DSCAM: variants seen among roughly 807,000 people sequenced by gnomAD.
DSCAM encodes cell adhesion molecule DSCAM.
Under a neutral mutation model 217.7 loss-of-function variants are expected in DSCAM, and 47 were observed. The observed-to-expected ratio is 0.22, with a 90% CI of 0.17 to 0.28. DSCAM has a LOEUF of 0.28. DSCAM is among the 10% of genes least tolerant of loss of function. DSCAM has a pLI of 1.00. For missense variants in DSCAM, 2,080 were observed against 2,618.3 expected (o/e 0.79, Z 4.49); for synonymous variants, 1,056 against 1,015.3 (o/e 1.04, Z -0.76).
At chr21:40,409,345 T>G (rs1256201420) in intron 3 of DSCAM, among the ~76,000 whole-genome samples, 2 of 152,242 alleles carry the variant, frequency 1.3e-5, no homozygotes, top group Admixed American at 1.3e-4. Flanking sequence ...TAGTGATTTA[T>G]AAATTTGGAA....
chr21:40,809,362 C>T (rs2091816925), intron 1 of DSCAM, among the ~76,000 whole-genome samples: 1 of 152,088 alleles, frequency 6.6e-6, no homozygotes, highest in African/African-American at 2.4e-5. Flanking sequence ...GGGGGTGGGA[C>T]TTCAAAGCAG....
chr21:40,449,473 A>T (rs529566840), intron 3 of DSCAM, among the ~76,000 whole-genome samples: 29 of 152,326 alleles, frequency 1.9e-4, no homozygotes, highest in African/African-American at 7.0e-4. Context: ...ATGAAAAGAA[A>T]ACATCCAGTT....
chr21:40,483,019 A>G (rs1279473692), intron 3 of DSCAM, among the ~76,000 whole-genome samples: 1 of 152,230 alleles, frequency 6.6e-6, no homozygotes, highest in Non-Finnish European at 1.5e-5. Context: ...CTTGCTTTTT[A>G]TATACTGATC....
chr21:40,508,758 TATATATATATATA>T (rs2076232029), intron 3 of DSCAM, among the ~76,000 whole-genome samples: 3 of 14,768 alleles, frequency 2.0e-4, no homozygotes, highest in Non-Finnish European at 3.8e-4. Context: ...TATATATATA[TATATATATATATA>T]TATATATATA....
intron 3 of DSCAM, among the ~76,000 whole-genome samples, chr21:40,444,151 G>A (rs868008109): frequency 4.6e-5 from 7 of 152,038 alleles, no homozygotes; most frequent in African/African-American, 1.2e-4. Context: ...TTCAAGAGAG[G>A]ATTCATAACT....
chr21:40,402,918 T>C (rs1188848050), intron 3 of DSCAM, among the ~76,000 whole-genome samples: 5 of 152,106 alleles, frequency 3.3e-5, no homozygotes, highest in Admixed American at 1.3e-4. Context: ...GAGAGACAAG[T>C]ACAGGAAAAA....
At chr21:40,660,527 A>G (rs756974323) in intron 3 of DSCAM, among the ~76,000 whole-genome samples, 3 of 152,222 alleles carry the variant, frequency 2.0e-5, no homozygotes, top group Non-Finnish European at 2.9e-5. Context: ...CATGGCCCAA[A>G]TGGACGTGAG....
intron 11 of DSCAM, 69 bp downstream of exon 11, chr21:40,276,028 T>A (rs879129002): frequency 6.9e-7 from 1 of 1,441,584 alleles, no homozygotes; most frequent in African/African-American, 1.4e-5. Context: ...ATGGAGACAA[T>A]TGAAAAAGGA....
chr21:40,267,619 G>A (rs113406545), intron 11 of DSCAM, among the ~76,000 whole-genome samples: 66 of 152,270 alleles, frequency 4.3e-4, no homozygotes, highest in African/African-American at 1.4e-3. Flanking sequence ...ATTATGGGCC[G>A]GGTGTGGTGG....
intron 1 of DSCAM, among the ~76,000 whole-genome samples, chr21:40,831,879 G>C (rs188076282): frequency 1.3e-5 from 2 of 152,114 alleles, no homozygotes; most frequent in Admixed American, 6.5e-5. Flanking sequence ...TTTAAAAACC[G>C]ATCTTTCACT....
intron 3 of DSCAM, among the ~76,000 whole-genome samples, chr21:40,406,323 T>A (rs977526204): frequency 1.3e-5 from 2 of 152,150 alleles, no homozygotes; most frequent in African/African-American, 4.8e-5. Flanking sequence ...GGAAATGATA[T>A]CAATATTTGA....
intron 1 of DSCAM, among the ~76,000 whole-genome samples, chr21:40,813,661 T>C (rs1262335357): frequency 6.6e-6 from 1 of 150,590 alleles, no homozygotes; most frequent in Non-Finnish European, 1.5e-5. Context: ...TTTTTTTTTT[T>C]GGTTGAGATG....
At chr21:40,251,917 A>T (rs189318623) in intron 11 of DSCAM, among the ~76,000 whole-genome samples, 1 of 152,184 alleles carries the variant, frequency 6.6e-6, no homozygotes, top group African/African-American at 2.4e-5. Context: ...TGTTGCAGAC[A>T]TCCTCATGGC....
Position 40,543,871 on chromosome 21 carries a change from A to C in DSCAM, c.508+148939T>G, listed in dbSNP as rs142863753. Among the ~76,000 whole-genome samples, 1,311 of 152,320 alleles carry C rather than the reference A, an allele frequency of 8.6e-3. 22 individuals are homozygous for C. The highest frequency in any genetic ancestry group is 0.029 in the African/African-American group (1,214 of 41,554). ...TTCATATAAATTTACATAATTAAAAATATTTGTAAATAAAATATTGCTGCT... is the reference window on the plus strand; with the variant it reads ...TTCATATAAATTTACATAATTAAAACTATTTGTAAATAAAATATTGCTGCT... On this transcript the variant is annotated intron_variant, in intron 3 of 32. Coordinates refer to ENST00000400454, the MANE Select transcript of DSCAM (RefSeq NM_001389.5).
intron 1 of DSCAM, among the ~76,000 whole-genome samples, chr21:40,738,509 G>A (rs756295595): frequency 3.9e-5 from 6 of 152,076 alleles, no homozygotes; most frequent in Non-Finnish European, 8.8e-5. Flanking sequence ...CCCCAGTAGT[G>A]TTCATGATTG....
chr21:40,111,375 T>G (rs898468958), intron 20 of DSCAM, among the ~76,000 whole-genome samples: 32 of 152,070 alleles, frequency 2.1e-4, no homozygotes, highest in African/African-American at 7.5e-4. Context: ...TGAGAGATTT[T>G]GTCACCACCA....
intron 1 of DSCAM, among the ~76,000 whole-genome samples, chr21:40,718,956 TCTA>T (rs1395801772): frequency 6.6e-6 from 1 of 151,982 alleles, no homozygotes; most frequent in Non-Finnish European, 1.5e-5. Flanking sequence ...CAAGACTCTC[TCTA>T]CCAAAAATTA....
At chr21:40,309,149 T>G (rs1426216933) in intron 9 of DSCAM, among the ~76,000 whole-genome samples, 1 of 152,192 alleles carries the variant, frequency 6.6e-6, no homozygotes, top group Non-Finnish European at 1.5e-5. Flanking sequence ...TTGTCTCCAT[T>G]TTACTGCCTC....
At chr21:40,575,775 A>T (rs913947126) in intron 3 of DSCAM, among the ~76,000 whole-genome samples, 18 of 136,652 alleles carry the variant, frequency 1.3e-4, no homozygotes, top group Admixed American at 5.6e-4. Context: ...AAAATATATT[A>T]AAAAAAAAAA....
Sources: allele counts gnomAD v4.1 joint callset (sites outside exome capture counted in the v4.1 genomes callset), GRCh38; gene constraint gnomAD v4.1.1; transcripts MANE v1.5; gene names NCBI Gene and HGNC (gene_info 2026-07-23, HGNC 2026-07-21).